TMEM233: variants seen among roughly 807,000 people sequenced by gnomAD.
The protein encoded by TMEM233 is dispanin subfamily B member 2.
TMEM233 carries 6 observed loss-of-function variants against 11.2 expected under a neutral mutation model. That is an observed-to-expected ratio of 0.54 (90% CI 0.29 to 1.06). The LOEUF is 1.06. Among genes scored for constraint, TMEM233 ranks in the 50% least tolerant of loss-of-function variants. The probability of loss-of-function intolerance (pLI) is 0.08; values close to 1 mark genes in which losing one functional copy is unlikely to be tolerated. For synonymous variants in TMEM233, 59 were observed against 55.8 expected, an observed-to-expected ratio of 1.06 and a Z score of -0.26; for missense variants, 127 against 144.7, an observed-to-expected ratio of 0.88 and a Z score of 0.63.
At chr12:119,650,692 G>A in the TMEM233 span, among the ~76,000 whole-genome samples, 2 of 152,114 alleles carry the variant, frequency 1.3e-5, no homozygotes, top group Non-Finnish European at 2.9e-5. Context: ...GCCCAGGCTG[G>A]GGTGCAGTGG....
downstream of TMEM233, among the ~76,000 whole-genome samples, chr12:119,645,080 T>G (rs1484916510): frequency 6.6e-6 from 1 of 152,190 alleles, no homozygotes; most frequent in Non-Finnish European, 1.5e-5. Context: ...CCTACCATTC[T>G]TCGCAGTGCT....
At chr12:119,647,014 A>C (rs553175220), downstream of TMEM233, among the ~76,000 whole-genome samples, 4 of 152,332 alleles carry the variant, frequency 2.6e-5, no homozygotes, top group Admixed American at 2.0e-4. Context: ...CCTCTGCTGA[A>C]ACCCAACCCA....
At chr12:119,645,031 C>A (rs1249698016), downstream of TMEM233, among the ~76,000 whole-genome samples, 1 of 152,126 alleles carries the variant, frequency 6.6e-6, no homozygotes, top group East Asian at 1.9e-4. Flanking sequence ...TGCAGGAGAA[C>A]ACACTGGCTG....
chr12:119,604,903 G>T (rs1037945847), intron 1 of TMEM233, among the ~76,000 whole-genome samples: 4 of 151,936 alleles, frequency 2.6e-5, no homozygotes, highest in African/African-American at 9.7e-5. Flanking sequence ...AAAGTGCTGG[G>T]ATTACAGGCA....
At chr12:119,597,377 A>G (rs1262832912) in intron 1 of TMEM233, among the ~76,000 whole-genome samples, 3 of 152,192 alleles carry the variant, frequency 2.0e-5, no homozygotes, top group South Asian at 2.1e-4. Context: ...GACCATCCCA[A>G]TGAAGAAGCA....
At chr12:119,621,364 T>C (rs185620867) in intron 1 of TMEM233, among the ~76,000 whole-genome samples, 1 of 152,238 alleles carries the variant, frequency 6.6e-6, no homozygotes, top group East Asian at 1.9e-4. Context: ...AAATTTTTTG[T>C]AGAGACAAGG....
At chr12:119,609,374 A>C (rs978586781) in intron 1 of TMEM233, among the ~76,000 whole-genome samples, 2 of 152,214 alleles carry the variant, frequency 1.3e-5, no homozygotes, top group Non-Finnish European at 2.9e-5. Context: ...AATGCATAGA[A>C]AAGAGAAAGC....
At chr12:119,652,208 C>G in the TMEM233 span, among the ~76,000 whole-genome samples, 1 of 152,248 alleles carries the variant, frequency 6.6e-6, no homozygotes, top group Admixed American at 6.5e-5. Context: ...ACTCAGAAAA[C>G]TATGATATGT....
At chr12:119,647,244 T>G (rs1955165935), downstream of TMEM233, among the ~76,000 whole-genome samples, 1 of 152,172 alleles carries the variant, frequency 6.6e-6, no homozygotes, top group Non-Finnish European at 1.5e-5. Flanking sequence ...TCTTTATTAC[T>G]AAAAGCTGGA....
chr12:119,632,326 G>A (rs760082929), intron 2 of TMEM233, among the ~76,000 whole-genome samples: 1 of 152,162 alleles, frequency 6.6e-6, no homozygotes, highest in Non-Finnish European at 1.5e-5. Context: ...AGTGGAAAAG[G>A]TAGGATTTAA....
intron 2 of TMEM233, among the ~76,000 whole-genome samples, chr12:119,630,143 A>T (rs1954849733): frequency 6.6e-6 from 1 of 152,252 alleles, no homozygotes; most frequent in African/African-American, 2.4e-5. Context: ...ACAGAGGGAC[A>T]TAGTCCCAAC....
At chr12:119,640,195 C>T (rs1273579409) in intron 2 of TMEM233, among the ~76,000 whole-genome samples, 3 of 152,150 alleles carry the variant, frequency 2.0e-5, no homozygotes, top group Non-Finnish European at 4.4e-5. Context: ...TGCTCAGTCG[C>T]CCAGGCTGGA....
intron 1 of TMEM233, among the ~76,000 whole-genome samples, chr12:119,596,033 C>T (rs926047565): frequency 2.0e-5 from 3 of 152,164 alleles, no homozygotes; most frequent in Non-Finnish European, 2.9e-5. Flanking sequence ...GAATCATTAA[C>T]CTTTTTTTCC....
At chr12:119,633,454 G>A (rs1040389541) in intron 2 of TMEM233, among the ~76,000 whole-genome samples, 2 of 152,086 alleles carry the variant, frequency 1.3e-5, no homozygotes, top group Admixed American at 6.6e-5. Flanking sequence ...GGGCATGGTG[G>A]CACACACCTG....
At position 119,629,765 on chromosome 12, in the gene TMEM233, C is replaced by T. The variant is rs375418332; in HGVS notation, c.216C>T (p.Tyr72=). ...MSLNSYNDGD[Y]EGARRLGRNA... ...TGAACAGCTACAACGATGGAGACTACGAAGGAGCCAGGCGGCTTGGGCGGA... is the reference window on the plus strand; with the variant it reads ...TGAACAGCTACAACGATGGAGACTATGAAGGAGCCAGGCGGCTTGGGCGGA... The change falls in exon 2 of 3, where the codon TAC becomes TAT. Residue 72 remains tyrosine, a synonymous_variant. Coordinates refer to ENST00000426426, the MANE Select transcript of TMEM233 (RefSeq NM_001136534.3). The T allele has an allele frequency of 5.4e-5, 84 of 1,551,536 alleles. 2 individuals carry two copies. Among genetic ancestry groups the T allele is most frequent in the Middle Eastern group, 5.0e-4 (3 of 5,978 alleles).
intron 1 of TMEM233, among the ~76,000 whole-genome samples, chr12:119,606,816 T>C (rs1048779120): frequency 1.3e-5 from 2 of 152,248 alleles, no homozygotes; most frequent in African/African-American, 4.8e-5. Context: ...ATATTCATTA[T>C]TGTTGCCGTA....
At chr12:119,627,628 C>T (rs1593303215) in intron 1 of TMEM233, among the ~76,000 whole-genome samples, 2 of 152,138 alleles carry the variant, frequency 1.3e-5, no homozygotes, top group African/African-American at 4.8e-5. Context: ...GGGAGGGCAC[C>T]AAGCCATTAA....
rs527237754 is a variant in TMEM233 at position 119,614,494 on chromosome 12, C to G, written c.187-15242C>G. Among the ~76,000 whole-genome samples, 9 of 152,182 alleles carry G rather than the reference C, an allele frequency of 5.9e-5. No individual in the cohort carries two copies. In the South Asian group the frequency reaches 1.0e-3, roughly 18 times the overall value. ...AAATTAGTAGCACAGCTTAGATATACTTGCCCTATGTTCTCTATCAGTAAC... is the reference window on the plus strand; with the variant it reads ...AAATTAGTAGCACAGCTTAGATATAGTTGCCCTATGTTCTCTATCAGTAAC... On this transcript the variant is annotated intron_variant, in intron 1 of 2. Coordinates refer to ENST00000426426, the MANE Select transcript of TMEM233 (RefSeq NM_001136534.3).
chr12:119,617,821 GA>G (rs2136728389), intron 1 of TMEM233, among the ~76,000 whole-genome samples: 1 of 152,226 alleles, frequency 6.6e-6, no homozygotes, highest in African/African-American at 2.4e-5. Context: ...CAACAAGAAA[GA>G]AACTCCATCT....
Sources: gnomAD v4.1 joint callset for allele counts (sites outside exome capture counted in the v4.1 genomes callset) on GRCh38, gnomAD v4.1.1 for gene constraint, MANE v1.5 for transcripts, NCBI Gene and HGNC (gene_info 2026-07-23, HGNC 2026-07-21) for gene names.